CAST: variants seen among roughly 807,000 people sequenced by gnomAD.
CAST encodes the protein calpastatin, also known as MIR583 host.
A neutral mutation model predicts 119.6 loss-of-function variants in CAST; 76 were observed. The observed-to-expected ratio is 0.64, with a 90% CI of 0.53 to 0.77. The LOEUF is 0.77. Among genes scored for constraint, CAST ranks in the 30% least tolerant of loss-of-function variants. The probability of loss-of-function intolerance (pLI) is 0.00; values close to 1 mark genes in which losing one functional copy is unlikely to be tolerated. For synonymous variants in CAST, 319 were observed against 331.6 expected, an observed-to-expected ratio of 0.96 and a Z score of 0.41; for missense variants, 953 against 946.5, an observed-to-expected ratio of 1.01 and a Z score of -0.09.
At chr5:96,247,111 C>T in the CAST span, among the ~76,000 whole-genome samples, 1 of 152,276 alleles carries the variant, frequency 6.6e-6, no homozygotes, top group East Asian at 1.9e-4. Context: ...TGTGTGGTGC[C>T]ATAAGCTCTG....
chr5:96,047,460 C>T, the CAST span, among the ~76,000 whole-genome samples: 1 of 151,728 alleles, frequency 6.6e-6, no homozygotes, highest in Non-Finnish European at 1.5e-5. Flanking sequence ...TCCTGGAAGC[C>T]CAATAGTTGT....
chr5:96,564,738 G>A (rs1478402364), intron 1 of CAST, among the ~76,000 whole-genome samples: 2 of 152,198 alleles, frequency 1.3e-5, no homozygotes, highest in South Asian at 2.1e-4. Flanking sequence ...GGGCAACGTG[G>A]TGAAACCCCA....
chr5:96,753,380 TC>T (rs1265005939), intron 20 of CAST, among the ~76,000 whole-genome samples: 1 of 152,184 alleles, frequency 6.6e-6, no homozygotes, highest in East Asian at 1.9e-4. Context: ...TACAGACGAT[TC>T]CCTTTATTTT....
chr5:96,446,612 A>C, the CAST span, among the ~76,000 whole-genome samples: 1 of 152,318 alleles, frequency 6.6e-6, no homozygotes, highest in South Asian at 2.1e-4. Context: ...ATCTCTAAAA[A>C]TAAAATTTAA....
chr5:96,383,994 T>C, the CAST span, among the ~76,000 whole-genome samples: 1,347 of 152,212 alleles, frequency 8.8e-3, 52 homozygotes, highest in Admixed American at 0.067. Flanking sequence ...CTGAGTTTTA[T>C]GGGGTCTGAA....
At chr5:96,442,910 T>C in the CAST span, among the ~76,000 whole-genome samples, 1 of 152,210 alleles carries the variant, frequency 6.6e-6, no homozygotes, top group Non-Finnish European at 1.5e-5. Flanking sequence ...ATCACCGTCA[T>C]TCTCTTCATT....
chr5:96,124,188 A>G, the CAST span, among the ~76,000 whole-genome samples: 4 of 151,986 alleles, frequency 2.6e-5, no homozygotes, highest in Non-Finnish European at 5.9e-5. Flanking sequence ...GTTTTATTTT[A>G]TCTTCTTTCA....
chr5:96,204,168 CA>C, the CAST span, among the ~76,000 whole-genome samples: 1 of 151,996 alleles, frequency 6.6e-6, no homozygotes, highest in Non-Finnish European at 1.5e-5. Flanking sequence ...TCTTAATACC[CA>C]AGTGATATGA....
At chr5:96,053,664 T>C in the CAST span, among the ~76,000 whole-genome samples, 2 of 152,236 alleles carry the variant, frequency 1.3e-5, no homozygotes, top group African/African-American at 4.8e-5. Flanking sequence ...GTATCACTTA[T>C]GACTTTTCAC....
chr5:96,561,796 G>GTTTTTTTTTTTGTTTT (rs1746371872), intron 1 of CAST, among the ~76,000 whole-genome samples: 1 of 97,422 alleles, frequency 1.0e-5, no homozygotes, highest in African/African-American at 3.8e-5. Flanking sequence ...GTTTTTTTTT[G>GTTTTTTTTTTTGTTTT]TTTTTTTTTT....
At chr5:96,501,009 G>T in the CAST span, among the ~76,000 whole-genome samples, 156 of 152,320 alleles carry the variant, frequency 1.0e-3, 3 homozygotes, top group South Asian at 0.031. Flanking sequence ...GGGACTGGAG[G>T]TGGAGTGGGC....
At chr5:96,057,972 G>C in the CAST span, among the ~76,000 whole-genome samples, 1 of 152,166 alleles carries the variant, frequency 6.6e-6, no homozygotes, top group Non-Finnish European at 1.5e-5. Flanking sequence ...ATTTTGAGCA[G>C]TGGGGTGCCT....
chr5:96,077,684 C>T, the CAST span, among the ~76,000 whole-genome samples: 5 of 152,078 alleles, frequency 3.3e-5, no homozygotes, highest in Admixed American at 6.6e-5. Flanking sequence ...TCTCCCTTTC[C>T]TGCTTCCTTT....
chr5:96,486,102 G>A, the CAST span, among the ~76,000 whole-genome samples: 1 of 152,272 alleles, frequency 6.6e-6, no homozygotes, highest in East Asian at 1.9e-4. Context: ...GATCAGGACA[G>A]CTATATAAAA....
the CAST span, among the ~76,000 whole-genome samples, chr5:96,184,576 G>C: frequency 6.6e-6 from 1 of 150,840 alleles, no homozygotes; most frequent in Non-Finnish European, 1.5e-5. Context: ...TCATCATTCA[G>C]CTCCTACTTA....
the CAST span, among the ~76,000 whole-genome samples, chr5:96,139,533 T>C: frequency 4.0e-5 from 4 of 101,192 alleles, no homozygotes; most frequent in African/African-American, 1.8e-4. Flanking sequence ...TATATATACA[T>C]ATATATATGT....
the CAST span, among the ~76,000 whole-genome samples, chr5:96,089,511 T>C: frequency 6.6e-6 from 1 of 152,214 alleles, no homozygotes; most frequent in East Asian, 1.9e-4. Flanking sequence ...ATCCATACAA[T>C]AGATTATTTT....
chr5:96,593,745 A>C (rs1162716499), intron 1 of CAST, among the ~76,000 whole-genome samples: 2 of 152,106 alleles, frequency 1.3e-5, no homozygotes, highest in Admixed American at 1.3e-4. Context: ...TCCCAGAGAG[A>C]GCTCTCTTGC....
the CAST span, among the ~76,000 whole-genome samples, chr5:96,245,379 G>A: frequency 6.6e-6 from 1 of 152,304 alleles, no homozygotes; most frequent in African/African-American, 2.4e-5. Context: ...TATAGTCAAA[G>A]CTGGCAACCA....
Sources: gnomAD v4.1 joint callset for allele counts (sites outside exome capture counted in the v4.1 genomes callset) on GRCh38, gnomAD v4.1.1 for gene constraint, MANE v1.5 for transcripts, NCBI Gene and HGNC (gene_info 2026-07-23, HGNC 2026-07-21) for gene names.